The following TTBK2 variants were observed in gnomAD, a reference collection of about 807,000 sequenced individuals.
TTBK2 encodes the protein tau-tubulin kinase 2.
Under a neutral mutation model 110.8 loss-of-function variants are expected in TTBK2, and 28 were observed. The ratio of observed to expected loss-of-function variants is 0.25; its 90% CI spans 0.19 to 0.35. The LOEUF is 0.35. TTBK2 is among the 10% of genes least tolerant of loss of function. The pLI, the probability that TTBK2 is intolerant of heterozygous loss-of-function variation, is 1.00. For missense variants in TTBK2, 1,369 were observed against 1,500.3 expected, an observed-to-expected ratio of 0.91 and a Z score of 1.45; for synonymous variants, 532 against 527.3, an observed-to-expected ratio of 1.01 and a Z score of -0.12.
chr15:42,833,784 C>T (rs1439314428), intron 4 of TTBK2, among the ~76,000 whole-genome samples: 1 of 151,946 alleles, frequency 6.6e-6, no homozygotes. Flanking sequence ...CCAAGGCAGG[C>T]GGATCACGAG....
At chr15:42,873,207 G>A (rs1458092410) in intron 2 of TTBK2, among the ~76,000 whole-genome samples, 2 of 152,102 alleles carry the variant, frequency 1.3e-5, no homozygotes, top group Non-Finnish European at 2.9e-5. Context: ...CAAGGCGGGC[G>A]GCTCACTTGA....
intron 3 of TTBK2, among the ~76,000 whole-genome samples, chr15:42,841,875 T>C (rs1246239823): frequency 6.6e-6 from 1 of 152,136 alleles, no homozygotes; most frequent in Non-Finnish European, 1.5e-5. Flanking sequence ...ATGTTGAATT[T>C]TAGGACAATC....
intron 4 of TTBK2, among the ~76,000 whole-genome samples, chr15:42,830,842 A>G (rs2140988409): frequency 6.6e-6 from 1 of 152,100 alleles, no homozygotes; most frequent in African/African-American, 2.4e-5. Flanking sequence ...TGTCTCTACC[A>G]AAAATACAAA....
intron 3 of TTBK2, among the ~76,000 whole-genome samples, chr15:42,855,689 T>C (rs1188986628): frequency 6.6e-6 from 1 of 152,180 alleles, no homozygotes; most frequent in Non-Finnish European, 1.5e-5. Context: ...TTATTATATA[T>C]TGATTTATTT....
intron 7 of TTBK2, among the ~76,000 whole-genome samples, chr15:42,814,469 G>A (rs1329295171): frequency 1.3e-5 from 2 of 151,996 alleles, no homozygotes; most frequent in African/African-American, 4.8e-5. Flanking sequence ...CCTAGCTACT[G>A]AGAAGGCTGA....
At chr15:42,866,869 A>C (rs1388555767) in intron 3 of TTBK2, among the ~76,000 whole-genome samples, 13 of 152,188 alleles carry the variant, frequency 8.5e-5, no homozygotes, top group African/African-American at 2.2e-4. Context: ...ACACTAAATA[A>C]AAACATAACA....
intron 13 of TTBK2, among the ~76,000 whole-genome samples, chr15:42,763,193 T>TATATATATATATA (rs1567009144): frequency 2.4e-3 from 8 of 3,364 alleles, no homozygotes; most frequent in Non-Finnish European, 3.2e-3. Flanking sequence ...TATATATATA[T>TATATATATATATA]TTTTTTTTTT....
intron 4 of TTBK2, among the ~76,000 whole-genome samples, chr15:42,836,333 G>C (rs1401623524): frequency 6.6e-6 from 1 of 152,022 alleles, no homozygotes; most frequent in Non-Finnish European, 1.5e-5. Flanking sequence ...ATGAATTTAT[G>C]GTTTTTAGAA....
intron 11 of TTBK2, among the ~76,000 whole-genome samples, chr15:42,782,963 C>T (rs1890242694): frequency 6.6e-6 from 1 of 152,118 alleles, no homozygotes; most frequent in Admixed American, 6.5e-5. Flanking sequence ...CTGACACTGA[C>T]TCCCTGTCTA....
At chr15:42,891,434 A>G (rs1201255678) in intron 1 of TTBK2, among the ~76,000 whole-genome samples, 2 of 151,954 alleles carry the variant, frequency 1.3e-5, no homozygotes, top group Non-Finnish European at 2.9e-5. Context: ...TCAGTCTCCT[A>G]AAGTGCTGGG....
chr15:42,834,192 A>G (rs966163970), intron 4 of TTBK2, among the ~76,000 whole-genome samples: 28 of 131,076 alleles, frequency 2.1e-4, no homozygotes, highest in Non-Finnish European at 3.3e-4. Context: ...TCAAAAAAAA[A>G]AAAAGGGGGG....
At chr15:42,779,751 A>AGGT (rs1387654588) in intron 11 of TTBK2, among the ~76,000 whole-genome samples, 1 of 151,880 alleles carries the variant, frequency 6.6e-6, no homozygotes, top group Non-Finnish European at 1.5e-5. Context: ...AGGTCGAGGC[A>AGGT]GGTGAATTAC....
intron 11 of TTBK2, 61 bp downstream of exon 11, chr15:42,783,358 G>T: frequency 6.5e-7 from 1 of 1,544,452 alleles, no homozygotes. Context: ...CTTCCTTCTT[G>T]GACTTCCCAG....
chr15:42,919,572 C>T (rs1051007322), intron 1 of TTBK2, among the ~76,000 whole-genome samples: 11 of 152,216 alleles, frequency 7.2e-5, no homozygotes. Flanking sequence ...CCTACACACA[C>T]AGAAACTCAA....
intron 1 of TTBK2, among the ~76,000 whole-genome samples, chr15:42,886,599 T>C (rs529569972): frequency 6.6e-6 from 1 of 152,212 alleles, no homozygotes; most frequent in Non-Finnish European, 1.5e-5. Flanking sequence ...ACTCCAAAAA[T>C]TAGATTCCGG....
rs1555427674 is a variant in TTBK2, at chr15:42,816,087, T to TATAA, written c.603+944_603+945insTTAT. Among the ~76,000 whole-genome samples the TATAA allele has an allele frequency of 5.4e-3, 203 of 37,530 alleles. No homozygotes were observed. In the South Asian group the frequency reaches 0.099, roughly 18 times the overall value. 24.6% of individuals were successfully genotyped at this position (37,530 alleles called of 152,430 possible). A position where few individuals can be genotyped will look rare whatever the true frequency, so the allele number is the denominator to read the frequency against. ...ATATATATAAAAATAAATAAATAAA[T>TATAA]ATATATATATATATATATATATATA... On this transcript the variant is annotated intron_variant, in intron 7 of 14. Transcript: ENST00000267890.
intron 11 of TTBK2, 98 bp downstream of exon 11, chr15:42,783,321 C>T (rs1890256055): frequency 8.4e-7 from 1 of 1,184,502 alleles, no homozygotes; most frequent in Admixed American, 1.7e-5. Context: ...ACAAAACAGC[C>T]CTCACCAGAT....
At position 42,814,118 on chromosome 15, in the gene TTBK2, T is replaced by A. The variant is rs188058731; in HGVS notation, c.604-2338A>T. Among the ~76,000 whole-genome samples the A allele has an allele frequency of 2.6e-3, 391 of 151,958 alleles. 4 individuals carry two copies. The highest frequency in any genetic ancestry group is 0.019 in the Admixed American group (294 of 15,264). ...CTCACTGCAACCTCCGCCTCCCAGG[T>A]TCCAGCAATTCTCCTGCCTCAGCCT... On this transcript the variant is annotated intron_variant, in intron 7 of 14. Transcript: ENST00000267890.
At chr15:42,837,590 T>C (rs1893041160) in intron 4 of TTBK2, among the ~76,000 whole-genome samples, 1 of 130,276 alleles carries the variant, frequency 7.7e-6, no homozygotes, top group South Asian at 2.4e-4. Context: ...ACCCAGGAGG[T>C]GGAAGTTGCA....
Sources: allele counts gnomAD v4.1 joint callset (sites outside exome capture counted in the v4.1 genomes callset), GRCh38; gene constraint gnomAD v4.1.1; transcripts MANE v1.5; gene names NCBI Gene and HGNC (gene_info 2026-07-23, HGNC 2026-07-21).